Variants in ZNF112 observed in about 807,000 individuals in gnomAD.
ZNF112 encodes the protein zinc finger protein 112.
A neutral mutation model predicts 77.7 loss-of-function variants in ZNF112; 37 were observed. The observed-to-expected ratio is 0.48, with a 90% CI of 0.37 to 0.63. The LOEUF is 0.63. ZNF112 is among the 20% of genes least tolerant of loss of function. The pLI, the probability that ZNF112 is intolerant of heterozygous loss-of-function variation, is 0.00. For synonymous variants in ZNF112, 333 were observed against 363.6 expected (o/e 0.92, Z 0.96); for missense variants, 950 against 1,077.4 (o/e 0.88, Z 1.66).
intron 1 of ZNF112, among the ~76,000 whole-genome samples, chr19:44,364,252 AGTT>A (rs1230275688): frequency 6.6e-6 from 1 of 152,098 alleles, no homozygotes; most frequent in Admixed American, 6.6e-5. Flanking sequence ...GTGATCTTGT[AGTT>A]GTATCTCTCT....
chr19:44,342,092 T>C (rs1274869221), intron 1 of ZNF112, among the ~76,000 whole-genome samples: 1 of 152,214 alleles, frequency 6.6e-6, no homozygotes, highest in Admixed American at 6.5e-5. Context: ...GCAAAGTGCC[T>C]ATATATCCTA....
Position 44,347,886 on chromosome 19 carries a change from C to T in ZNF112, c.-3-7344G>A, listed in dbSNP as rs1389745307. On this transcript the variant is annotated intron_variant, in intron 1 of 3. Coordinates refer to ENST00000354340, the MANE Select transcript of ZNF112 (RefSeq NM_013380.4). Reference sequence around the variant, plus strand: ...TCCATTTAATATCATTTCTATTCAGCCTAAAGAACTTCCTTTAGTGCTCCT... The same window carrying T: ...TCCATTTAATATCATTTCTATTCAGTCTAAAGAACTTCCTTTAGTGCTCCT... 2.0e-5 allele frequency among the ~76,000 whole-genome samples: 3 copies of T among 152,048 alleles called. No homozygotes were observed. In the East Asian group the frequency reaches 5.8e-4, roughly 29 times the overall value.
At chr19:44,338,149 C>G (rs1970423299) in intron 2 of ZNF112, among the ~76,000 whole-genome samples, 1 of 152,008 alleles carries the variant, frequency 6.6e-6, no homozygotes, top group Non-Finnish European at 1.5e-5. Context: ...ATTTTAACAT[C>G]TAAAAAATTA....
intron 2 of ZNF112, among the ~76,000 whole-genome samples, chr19:44,336,974 C>A (rs576195363): frequency 7.9e-5 from 12 of 151,584 alleles, no homozygotes; most frequent in African/African-American, 2.9e-4. Flanking sequence ...AACCCCTGGG[C>A]TCAAGCAATC....
intron 1 of ZNF112, among the ~76,000 whole-genome samples, chr19:44,363,747 A>C (rs2123231120): frequency 6.6e-6 from 1 of 152,312 alleles, no homozygotes; most frequent in East Asian, 1.9e-4. Flanking sequence ...TTTTGCGTGC[A>C]TGTGCTTTCT....
chr19:44,343,206 T>C (rs1310023563), intron 1 of ZNF112: 1 of 1,608,070 alleles, frequency 6.2e-7, no homozygotes, highest in Non-Finnish European at 8.5e-7. Flanking sequence ...GTCCACTCAC[T>C]GCAAAATGAG....
rs868101104 is a variant in ZNF112 at position 44,327,872 on chromosome 19, C to T, written c.2285G>A (p.Arg762Gln). 1.7e-5 allele frequency: 28 copies of T among 1,613,308 alleles called. No homozygotes were observed. The highest frequency in any genetic ancestry group is 2.0e-5 in the Non-Finnish European group (24 of 1,179,758). ...TGGTTTCCCTCCTGTGTGAACCCTC[C>T]GATGTGCTTCAAGGCGCGAACTCTG... ...FSQSSRLEAH[R>Q]RVHTGGKPYK... The change falls in exon 4 of 4, where the codon CGG (arginine) becomes CAG (glutamine). Residue 762 changes from arginine (R) to glutamine (Q), a missense_variant. By Grantham distance (43) the Arg-to-Gln change is conservative. Transcript: ENST00000354340.
Position 44,327,135 on chromosome 19 carries a change from T to G in ZNF112, c.*298A>C. 2 of 253,138 alleles carry G rather than the reference T, an allele frequency of 7.9e-6. No individual in the cohort carries two copies. The highest frequency in any genetic ancestry group is 7.5e-5 in the East Asian group (1 of 13,392). The allele number at this position is 253,138 out of a possible 1,614,324, so 15.7% of individuals were successfully genotyped here. A position where few individuals can be genotyped will look rare whatever the true frequency, so the allele number is the denominator to read the frequency against. ...TAGACTAGCAATGAACAAAGTCCCT[T>G]CTTTCACCAAGCTTACATTCTAGAG... On this transcript the variant is annotated 3_prime_UTR_variant, in exon 4 of 4. Coordinates refer to ENST00000354340, the MANE Select transcript of ZNF112 (RefSeq NM_013380.4).
At chr19:44,334,700 G>A (rs934447683) in intron 3 of ZNF112, among the ~76,000 whole-genome samples, 1 of 152,258 alleles carries the variant, frequency 6.6e-6, no homozygotes, top group African/African-American at 2.4e-5. Context: ...TATAGCTCAG[G>A]CCATTGCTTC....
rs1263433626 is a variant in ZNF112 at position 44,328,344 on chromosome 19, A to T, written c.1813T>A (p.Cys605Ser). ...RVHTGEKPYK[C>S]EECGKGFSRS... ...CTGAAGCCCTTCCCACACTCCTCAC[A>T]CTTGTATGGTTTTTCTCCAGTGTGA... Residue 605 changes from cysteine (C) to serine (S), a missense_variant, in exon 4 of 4, where the codon TGT becomes AGT. Transcript: ENST00000354340. 6.2e-7 allele frequency: 1 copy of T among 1,613,638 alleles called. No individual in the cohort carries two copies. Among genetic ancestry groups the T allele is most frequent in the South Asian group, 1.1e-5 (1 of 91,056 alleles).
intron 1 of ZNF112, among the ~76,000 whole-genome samples, chr19:44,347,386 A>G (rs1190796365): frequency 1.3e-5 from 2 of 151,180 alleles, no homozygotes; most frequent in East Asian, 3.9e-4. Flanking sequence ...AATTATTGAT[A>G]TAGCTGGGTT....
chr19:44,364,960 G>T (rs2123232745), intron 1 of ZNF112, among the ~76,000 whole-genome samples: 1 of 152,200 alleles, frequency 6.6e-6, no homozygotes, highest in Admixed American at 6.5e-5. Flanking sequence ...TGTCTTGTTT[G>T]GTATTATCAG....
intron 1 of ZNF112, among the ~76,000 whole-genome samples, chr19:44,361,947 T>A (rs1970858638): frequency 6.6e-6 from 1 of 152,094 alleles, no homozygotes; most frequent in Admixed American, 6.6e-5. Context: ...CTAAAACTGC[T>A]CTTAAAATAA....
chr19:44,366,762 T>A (rs1446716991), intron 1 of ZNF112, among the ~76,000 whole-genome samples: 3 of 150,970 alleles, frequency 2.0e-5, no homozygotes, highest in African/African-American at 7.3e-5. Context: ...CCCAGGCTCA[T>A]AGAAGCTTTC....
chr19:44,345,724 T>G (rs1970576128), intron 1 of ZNF112, among the ~76,000 whole-genome samples: 2 of 152,342 alleles, frequency 1.3e-5, no homozygotes, highest in East Asian at 3.9e-4. Flanking sequence ...CAGGAATCTT[T>G]CATGTCTGTC....
At chr19:44,340,281 T>G (rs1241578316) in intron 2 of ZNF112, 135 bp downstream of exon 2, 1 of 1,194,786 alleles carries the variant, frequency 8.4e-7, no homozygotes, top group African/African-American at 1.5e-5. Flanking sequence ...TTGTCTGTGT[T>G]GCACGGGGAT....
At chr19:44,354,477 G>T (rs1178985606) in intron 1 of ZNF112, among the ~76,000 whole-genome samples, 1 of 152,000 alleles carries the variant, frequency 6.6e-6, no homozygotes, top group African/African-American at 2.4e-5. Flanking sequence ...AATTTTTTTA[G>T]ATTATCAAAA....
At chr19:44,347,899 C>T (rs1012919541) in intron 1 of ZNF112, among the ~76,000 whole-genome samples, 3 of 152,040 alleles carry the variant, frequency 2.0e-5, no homozygotes. Flanking sequence ...AAAGAACTTC[C>T]TTTAGTGCTC....
chr19:44,327,725 T>C lies in ZNF112; in HGVS notation c.2432A>G (p.Tyr811Cys), dbSNP rs760065025. ...TCTGTGATGGGCTTGAAGACTTGAA[T>C]ACCCACTGAAACCCTTACCACACTG... ...CEQCGKGFSG[Y>C]SSLQAHHRVH... is the part of the protein sequence containing the mutation. The change falls in exon 4 of 4, where the codon TAT (tyrosine) becomes TGT (cysteine). Residue 811 changes from tyrosine (Y) to cysteine (C), a missense_variant. Coordinates refer to ENST00000354340, the MANE Select transcript of ZNF112 (RefSeq NM_013380.4). 6.2e-7 allele frequency: 1 copy of C among 1,612,996 alleles called. No homozygotes were observed. The highest frequency in any genetic ancestry group is 8.5e-7 in the Non-Finnish European group (1 of 1,179,652).
Sources: allele counts gnomAD v4.1 joint callset (sites outside exome capture counted in the v4.1 genomes callset), GRCh38; gene constraint gnomAD v4.1.1; transcripts MANE v1.5; gene names NCBI Gene and HGNC (gene_info 2026-07-23, HGNC 2026-07-21).